Variants in IQCB1 observed in about 807,000 individuals in gnomAD.
IQCB1 encodes IQ motif containing B1, also known as IQ calmodulin-binding motif-containing protein 1.
Under a neutral mutation model 84.4 loss-of-function variants are expected in IQCB1, and 56 were observed. The observed-to-expected ratio is 0.66, with a 90% CI of 0.54 to 0.83. The LOEUF (loss-of-function observed/expected upper bound fraction) is 0.83. IQCB1 is among the 40% of genes least tolerant of loss of function. The pLI, the probability that IQCB1 is intolerant of heterozygous loss-of-function variation, is 0.00. For missense variants in IQCB1, 629 were observed against 682.1 expected (o/e 0.92, Z 0.87); for synonymous variants, 210 against 234.8 (o/e 0.89, Z 0.96).
rs370451583 is a variant in IQCB1, at chr3:121,799,379, T to C, written c.588-5A>G. The C allele has an allele frequency of 8.6e-5, 130 of 1,507,454 alleles. No homozygotes were observed. The highest frequency in any genetic ancestry group is 4.4e-4 in the African/African-American group (32 of 72,244). The allele number at this position is 1,507,454 out of a possible 1,614,324, so 93.4% of individuals were successfully genotyped here. On this transcript the variant is annotated splice_region_variant and splice_polypyrimidine_tract_variant and intron_variant, in intron 7 of 14. Coordinates refer to ENST00000310864, the MANE Select transcript of IQCB1 (RefSeq NM_001023570.4). ...CCTATTCTGAGTAAATCACCACTAATAGAACAAAATAAAAAAAAAAGTACC... is the reference window on the plus strand; with the variant it reads ...CCTATTCTGAGTAAATCACCACTAACAGAACAAAATAAAAAAAAAAGTACC...
At chr3:121,827,213 A>G (rs1309008345) in intron 4 of IQCB1, among the ~76,000 whole-genome samples, 3 of 152,054 alleles carry the variant, frequency 2.0e-5, no homozygotes, top group African/African-American at 4.8e-5. Flanking sequence ...AACATTGAGT[A>G]TGCAATTTAC....
chr3:121,824,657 T>A (rs1950398013), intron 5 of IQCB1, among the ~76,000 whole-genome samples: 1 of 151,730 alleles, frequency 6.6e-6, no homozygotes, highest in Admixed American at 6.6e-5. Context: ...ATAGCTTTCA[T>A]TCATCCAGAA....
At chr3:121,810,931 G>A (rs538520965) in intron 5 of IQCB1, among the ~76,000 whole-genome samples, 3 of 152,250 alleles carry the variant, frequency 2.0e-5, no homozygotes, top group Admixed American at 2.0e-4. Flanking sequence ...AATGGAATTT[G>A]TAACCTGTTA....
rs1437062196 is a variant in IQCB1 at position 121,808,904 on chromosome 3, C to A, written c.487+12G>T. 4 of 1,533,782 alleles carry A rather than the reference C, an allele frequency of 2.6e-6. No individual in the cohort carries two copies. Among genetic ancestry groups the A allele is most frequent in the South Asian group, 2.2e-5 (2 of 89,244 alleles). The stretch of plus-strand genomic sequence containing the variant: ...CAATAGCTATTAGTTACATTAAAAT[C>A]TTTTCTCTTACCATTCTGAATAAGT... On this transcript the variant is annotated intron_variant, in intron 6 of 14. Transcript: ENST00000310864.
At chr3:121,770,610 A>G in intron 14 of IQCB1, 36 bp from the exon 15 acceptor site, 3 of 1,518,714 alleles carry the variant, frequency 2.0e-6, no homozygotes, top group South Asian at 2.2e-5. Flanking sequence ...TGAGCAGAAG[A>G]GTCCTATGCC....
At chr3:121,780,973 G>C (rs1248823778) in intron 13 of IQCB1, among the ~76,000 whole-genome samples, 1 of 152,188 alleles carries the variant, frequency 6.6e-6, no homozygotes, top group Non-Finnish European at 1.5e-5. Context: ...CACTATGAGT[G>C]CTTGGTTCAA....
chr3:121,807,441 G>A lies in IQCB1; in HGVS notation c.490C>T (p.Leu164=). ...AAATGTAAGAAATGATCACTTTGTAGTACTAAAGGAAAAGAAAAAAAAAGA... is the reference window on the plus strand; with the variant it reads ...AAATGTAAGAAATGATCACTTTGTAATACTAAAGGAAAAGAAAAAAAAAGA... ...GGHVELIQNV[L]QSDHFLHLLQ... is the part of the protein sequence containing the mutation. Residue 164 remains leucine, a splice_region_variant and synonymous_variant, in exon 7 of 15, where the codon CTA becomes TTA. Coordinates refer to ENST00000310864, the MANE Select transcript of IQCB1 (RefSeq NM_001023570.4). The A allele has an allele frequency of 7.1e-7, 1 of 1,407,216 alleles. No homozygotes were observed. The highest frequency in any genetic ancestry group is 1.0e-6 in the Non-Finnish European group (1 of 994,066). 87.2% of individuals were successfully genotyped at this position (1,407,216 alleles called of 1,614,324 possible). A position where few individuals can be genotyped will look rare whatever the true frequency, so the allele number is the denominator to read the frequency against.
chr3:121,820,998 T>C (rs920108648), intron 5 of IQCB1, among the ~76,000 whole-genome samples: 4 of 151,852 alleles, frequency 2.6e-5, no homozygotes, highest in Non-Finnish European at 5.9e-5. Flanking sequence ...CTTTTTTTCT[T>C]TTTTTTTAAA....
chr3:121,781,913 C>A, intron 12 of IQCB1, 39 bp from the exon 13 acceptor site: 2 of 1,601,214 alleles, frequency 1.2e-6, no homozygotes, highest in South Asian at 1.1e-5. Flanking sequence ...ATTTTTCTCC[C>A]CTAACTAATA....
At chr3:121,813,551 AG>A (rs564350129) in intron 5 of IQCB1, among the ~76,000 whole-genome samples, 39 of 152,348 alleles carry the variant, frequency 2.6e-4, no homozygotes, top group Middle Eastern at 6.8e-3. Flanking sequence ...ATACACACAT[AG>A]GCTCAAAATA....
chr3:121,833,895 T>G (rs1462893833), intron 2 of IQCB1: 2 of 152,240 alleles, frequency 1.3e-5, no homozygotes. Flanking sequence ...CCTCTTATCA[T>G]GCTCCAGGAA....
chr3:121,796,848 A>G (rs1949211600), intron 9 of IQCB1, among the ~76,000 whole-genome samples: 1 of 152,008 alleles, frequency 6.6e-6, no homozygotes, highest in South Asian at 2.1e-4. Context: ...CAATTTTGTA[A>G]CATTATATTT....
At position 121,774,326 on chromosome 3, in the gene IQCB1, T is replaced by C. The variant is rs533544812; in HGVS notation, c.1411-1613A>G. Among the ~76,000 whole-genome samples the C allele has an allele frequency of 3.3e-5, 5 of 152,320 alleles. No individual in the cohort carries two copies. The South Asian group carries it at 1.0e-3, about 32-fold the overall frequency. ...CAGAAACTGGAACCCTGTGTGTGACTGGTAGAAATGTAAAATGGTACAGCC... is the reference window on the plus strand; with the variant it reads ...CAGAAACTGGAACCCTGTGTGTGACCGGTAGAAATGTAAAATGGTACAGCC... On this transcript the variant is annotated intron_variant, in intron 13 of 14. Coordinates refer to ENST00000310864, the MANE Select transcript of IQCB1 (RefSeq NM_001023570.4).
Position 121,797,209 on chromosome 3 carries a change from C to T in IQCB1, c.785G>A (p.Ser262Asn). 6.3e-7 allele frequency: 1 copy of T among 1,596,372 alleles called. No individual in the cohort carries two copies. Among genetic ancestry groups the T allele is most frequent in the South Asian group, 1.1e-5 (1 of 90,546 alleles). The change falls in exon 9 of 15, where the codon AGT becomes AAT. Residue 262 changes from serine (S) to asparagine (N), a missense_variant. Physicochemically the swap from Ser to Asn is conservative, Grantham distance 46. Coordinates refer to ENST00000310864, the MANE Select transcript of IQCB1 (RefSeq NM_001023570.4). Reference protein sequence around the residue: ...TCYKGLRRLLSKQETGTEFSQ... With the variant: ...TCYKGLRRLLNKQETGTEFSQ... ...GAATTCAGTCCCAGTTTCCTGTTTACTTAGTAGACGTCTGAGTCCTGAAAT... is the reference window on the plus strand; with the variant it reads ...GAATTCAGTCCCAGTTTCCTGTTTATTTAGTAGACGTCTGAGTCCTGAAAT...
intron 12 of IQCB1, among the ~76,000 whole-genome samples, chr3:121,782,680 TA>T (rs1948553307): frequency 1.8e-5 from 2 of 113,648 alleles, no homozygotes; most frequent in East Asian, 4.1e-4. Flanking sequence ...TGTTTACAAA[TA>T]ACATTTTTTT....
In IQCB1 at chr3:121,788,335, TTGGTG is replaced by T. The variant is rs1467075873; in HGVS notation, c.1222_1226del (p.His408ThrfsTer9). On this transcript the variant is annotated frameshift_variant, in exon 12 of 15. Coordinates refer to ENST00000310864, the MANE Select transcript of IQCB1 (RefSeq NM_001023570.4). LOFTEE classifies it high-confidence loss of function. The stretch of plus-strand genomic sequence containing the variant: ...TATACTCTATGAGAGACTGCCTCTG[TTGGTG>T]AAAATTTTTCCTTTCCCTGTACCCT... 1 of 1,613,848 alleles carries T rather than the reference TTGGTG, an allele frequency of 6.2e-7. No homozygotes were observed. Among genetic ancestry groups the T allele is most frequent in the Non-Finnish European group, 8.5e-7 (1 of 1,179,952 alleles).
intron 7 of IQCB1, 118 bp downstream of exon 7, chr3:121,807,226 T>C (rs1949630795): frequency 2.9e-6 from 2 of 683,910 alleles, no homozygotes; most frequent in Non-Finnish European, 2.7e-6. Context: ...ATATAGTGCA[T>C]ATACTTGTAT....
chr3:121,834,032 G>C (rs1708109308), intron 2 of IQCB1: 1 of 152,144 alleles, frequency 6.6e-6, no homozygotes, highest in African/African-American at 2.4e-5. Context: ...TAATTAGCTG[G>C]CACAAAGTCA....
chr3:121,828,436 C>T, intron 4 of IQCB1, 34 bp downstream of exon 4: 1 of 1,576,622 alleles, frequency 6.3e-7, no homozygotes, highest in Non-Finnish European at 8.7e-7. Context: ...CTACTACATC[C>T]CTCAAGAACA....
Sources: allele counts gnomAD v4.1 joint callset (sites outside exome capture counted in the v4.1 genomes callset), GRCh38; gene constraint gnomAD v4.1.1; transcripts MANE v1.5; gene names NCBI Gene and HGNC (gene_info 2026-07-23, HGNC 2026-07-21).